The following R3HDM1 variants were observed in gnomAD, a reference collection of about 807,000 sequenced individuals.
R3HDM1 encodes the protein R3H domain-containing protein 1.
R3HDM1 carries 46 observed loss-of-function variants against 141.1 expected under a neutral mutation model. The ratio of observed to expected loss-of-function variants is 0.33; its 90% CI spans 0.26 to 0.42. The LOEUF (loss-of-function observed/expected upper bound fraction) is 0.42, where lower values mean the gene tolerates loss of function less well. Ranked by LOEUF, R3HDM1 falls within the 10% of genes least tolerant of loss-of-function variation. The pLI is 1.00. For missense variants in R3HDM1, 1,184 were observed against 1,368.3 expected (o/e 0.87, Z 2.12); for synonymous variants, 435 against 472.9 (o/e 0.92, Z 1.04).
intron 19 of R3HDM1, among the ~76,000 whole-genome samples, chr2:135,664,406 A>G (rs561871577): frequency 1.4e-4 from 21 of 152,322 alleles, no homozygotes; most frequent in African/African-American, 4.3e-4. Flanking sequence ...CCAAATAATG[A>G]AAACACTAGT....
At chr2:135,650,305 A>T in intron 17 of R3HDM1, 1 of 985,364 alleles carries the variant, frequency 1.0e-6, no homozygotes, top group Non-Finnish European at 1.2e-6. Flanking sequence ...CCACTGCAGG[A>T]TCTGTGCTGC....
At chr2:135,542,938 T>A (rs1050337221) in intron 1 of R3HDM1, among the ~76,000 whole-genome samples, 5 of 152,198 alleles carry the variant, frequency 3.3e-5, no homozygotes, top group Non-Finnish European at 7.4e-5. Context: ...GGTTTCACCA[T>A]GTTGGCTAGG....
At chr2:135,646,518 C>G (rs2064444648) in intron 16 of R3HDM1, among the ~76,000 whole-genome samples, 1 of 151,732 alleles carries the variant, frequency 6.6e-6, no homozygotes, top group African/African-American at 2.4e-5. Flanking sequence ...ACTCAGTATT[C>G]CATTGGTGAA....
intron 1 of R3HDM1, among the ~76,000 whole-genome samples, chr2:135,564,084 A>G (rs956272833): frequency 6.6e-6 from 1 of 152,158 alleles, no homozygotes; most frequent in Admixed American, 6.5e-5. Context: ...ATCTGCCCCC[A>G]TGACCCAAAC....
intron 21 of R3HDM1, among the ~76,000 whole-genome samples, chr2:135,706,367 G>T (rs1186674): frequency 0.97 from 145,771 of 150,674 alleles, 70,434 homozygotes; most frequent in East Asian, 1. Flanking sequence ...CCATAGTTTT[G>T]TTTTTGTTTT....
chr2:135,577,414 CAAAA>C (rs35038268), intron 1 of R3HDM1, among the ~76,000 whole-genome samples: 342 of 15,718 alleles, frequency 0.022, 1 homozygote, highest in African/African-American at 0.052. Context: ...ATTAAATGAC[CAAAA>C]AAAAAAAAAA....
intron 21 of R3HDM1, among the ~76,000 whole-genome samples, chr2:135,687,131 GT>G (rs1306566138): frequency 6.6e-6 from 1 of 152,226 alleles, no homozygotes; most frequent in African/African-American, 2.4e-5. Flanking sequence ...GGAGGCAGAG[GT>G]TGCAGTGAGC....
At chr2:135,650,928 G>A (rs2065087626) in intron 17 of R3HDM1, 1 of 985,214 alleles carries the variant, frequency 1.0e-6, no homozygotes, top group Non-Finnish European at 1.2e-6. Context: ...CCAGTCTGTG[G>A]TTTCTTGGGA....
chr2:135,574,950 A>G (rs1705040534), intron 1 of R3HDM1, among the ~76,000 whole-genome samples: 2 of 152,228 alleles, frequency 1.3e-5, no homozygotes, highest in Non-Finnish European at 2.9e-5. Context: ...CAACATTATA[A>G]TGGAGGTATT....
chr2:135,668,810 C>A (rs2067904060), intron 19 of R3HDM1, among the ~76,000 whole-genome samples: 1 of 152,158 alleles, frequency 6.6e-6, no homozygotes, highest in African/African-American at 2.4e-5. Context: ...GAGAAGACAG[C>A]CAGTATCTAT....
intron 21 of R3HDM1, among the ~76,000 whole-genome samples, chr2:135,704,860 T>G (rs908721158): frequency 9.2e-5 from 14 of 152,216 alleles, no homozygotes; most frequent in African/African-American, 3.1e-4. Context: ...TAATATAATT[T>G]AATGATCATA....
At chr2:135,630,012 G>A (rs1483878116) in intron 7 of R3HDM1, among the ~76,000 whole-genome samples, 1 of 151,076 alleles carries the variant, frequency 6.6e-6, no homozygotes, top group Non-Finnish European at 1.5e-5. Context: ...GATAAAATTT[G>A]CAGTAGTAAT....
chr2:135,636,202 A>C lies in R3HDM1; in HGVS notation c.903+19A>C. ...CCAAGATGTACGTACTAACTTACTT[A>C]GGTCTTCATGTTAGAGTATATTCTA... is the stretch of plus-strand genomic sequence containing the variant. On this transcript the variant is annotated intron_variant, in intron 11 of 26. Coordinates refer to ENST00000683871, the MANE Select transcript of R3HDM1 (RefSeq NM_001378107.1). The C allele has an allele frequency of 1.2e-6, 2 of 1,607,760 alleles. No homozygotes were observed. The highest frequency in any genetic ancestry group is 1.1e-5 in the South Asian group (1 of 89,844).
intron 16 of R3HDM1, among the ~76,000 whole-genome samples, chr2:135,646,604 T>TTAGGAGGCCGAGGCAGGCAGATCACC (rs1420993958): frequency 1.5e-4 from 23 of 151,356 alleles, no homozygotes; most frequent in African/African-American, 5.1e-4. Flanking sequence ...TCCCAGCACT[T>TTAGGAGGCCGAGGCAGGCAGATCACC]TAGGAGGCCG....
intron 3 of R3HDM1, among the ~76,000 whole-genome samples, chr2:135,613,138 G>T (rs942222393): frequency 6.6e-6 from 1 of 152,178 alleles, no homozygotes; most frequent in Admixed American, 6.5e-5. Flanking sequence ...TGTGTTGTCC[G>T]CTTAGGGTTC....
At chr2:135,658,877 C>G (rs901515160) in intron 18 of R3HDM1, among the ~76,000 whole-genome samples, 1 of 151,828 alleles carries the variant, frequency 6.6e-6, no homozygotes, top group Admixed American at 6.6e-5. Flanking sequence ...TAGCCTAGGC[C>G]TACGCATTTC....
chr2:135,644,541 A>G (rs2064167538), intron 15 of R3HDM1, among the ~76,000 whole-genome samples: 1 of 152,148 alleles, frequency 6.6e-6, no homozygotes, highest in Non-Finnish European at 1.5e-5. Context: ...AAATAAGGAC[A>G]GTACCATCAA....
At chr2:135,603,954 A>G (rs1055974061) in intron 2 of R3HDM1, among the ~76,000 whole-genome samples, 2 of 152,180 alleles carry the variant, frequency 1.3e-5, no homozygotes, top group Non-Finnish European at 2.9e-5. Flanking sequence ...AATGAGTGCT[A>G]TCTTTAGCTT....
At position 135,555,032 on chromosome 2, in the gene R3HDM1, T is replaced by G. The variant is rs141115387; in HGVS notation, c.-250+23399T>G. On this transcript the variant is annotated intron_variant, in intron 1 of 26. Coordinates refer to ENST00000683871, the MANE Select transcript of R3HDM1 (RefSeq NM_001378107.1). ...TAAAAGTAAAATAAGTCGGGCGTGGTGGTTCACGTCTGTAATCCCAGCACT... is the reference window on the plus strand; with the variant it reads ...TAAAAGTAAAATAAGTCGGGCGTGGGGGTTCACGTCTGTAATCCCAGCACT... 3.0e-3 allele frequency among the ~76,000 whole-genome samples: 453 copies of G among 152,214 alleles called. 2 individuals carry two copies. Among genetic ancestry groups the G allele is most frequent in the African/African-American group, 0.01 (429 of 41,524 alleles).
Sources: allele counts gnomAD v4.1 joint callset (sites outside exome capture counted in the v4.1 genomes callset), GRCh38; gene constraint gnomAD v4.1.1; transcripts MANE v1.5; gene names NCBI Gene and HGNC (gene_info 2026-07-23, HGNC 2026-07-21).